The following FSTL5 variants were observed in gnomAD, a reference collection of about 807,000 sequenced individuals.
FSTL5 encodes the protein follistatin-related protein 5.
Under a neutral mutation model 89.1 loss-of-function variants are expected in FSTL5, and 62 were observed. That is an observed-to-expected ratio of 0.70 (90% confidence interval 0.57 to 0.86). The LOEUF (loss-of-function observed/expected upper bound fraction) is 0.86, where lower values mean the gene tolerates loss of function less well. FSTL5 is among the 40% of genes least tolerant of loss of function. FSTL5 has a pLI of 0.00. For synonymous variants in FSTL5, 383 were observed against 346.2 expected, an observed-to-expected ratio of 1.11 and a Z score of -1.18; for missense variants, 1,057 against 1,001.6, an observed-to-expected ratio of 1.06 and a Z score of -0.75.
intron 4 of FSTL5, among the ~76,000 whole-genome samples, chr4:161,782,212 G>A (rs369431249): frequency 6.6e-6 from 1 of 152,238 alleles, no homozygotes; most frequent in African/African-American, 2.4e-5. Context: ...CTGTGTGAAG[G>A]TTTCTGTGTA....
At chr4:162,053,208 A>G (rs1738438654) in intron 2 of FSTL5, among the ~76,000 whole-genome samples, 1 of 151,768 alleles carries the variant, frequency 6.6e-6, no homozygotes, top group Admixed American at 6.6e-5. Flanking sequence ...TATATTTTCA[A>G]CTTGTGCTCT....
intron 12 of FSTL5, among the ~76,000 whole-genome samples, chr4:161,493,848 C>T (rs72683730): frequency 0.075 from 11,427 of 152,026 alleles, 568 homozygotes; most frequent in Middle Eastern, 0.15. Flanking sequence ...TACTTGTTAT[C>T]GATAATCTCT....
At chr4:161,930,911 C>A (rs1158767865) in intron 3 of FSTL5, among the ~76,000 whole-genome samples, 1 of 151,756 alleles carries the variant, frequency 6.6e-6, no homozygotes. Context: ...CAATCTGCTG[C>A]CTGAATTAGA....
At chr4:161,768,310 A>T (rs1170485228) in intron 5 of FSTL5, among the ~76,000 whole-genome samples, 1 of 152,082 alleles carries the variant, frequency 6.6e-6, no homozygotes, top group Non-Finnish European at 1.5e-5. Context: ...CAGAATATAT[A>T]CCTTGCCATT....
In FSTL5 at chr4:161,392,980, A is replaced by G. The variant is rs907494753; in HGVS notation, c.1842-6531T>C. On this transcript the variant is annotated intron_variant, in intron 15 of 15. Coordinates refer to ENST00000306100, the MANE Select transcript of FSTL5 (RefSeq NM_020116.5). ...GGCATTCAAGACCAGCCTGGCCAAC[A>G]TGACAAAAACCTGTCTCTATTAAAT... Among the ~76,000 whole-genome samples the G allele has an allele frequency of 5.3e-5, 8 of 152,042 alleles. No individual in the cohort carries two copies. In the East Asian group the frequency reaches 1.2e-3, roughly 22 times the overall value.
intron 2 of FSTL5, among the ~76,000 whole-genome samples, chr4:162,053,014 A>G (rs950122242): frequency 9.2e-5 from 14 of 151,926 alleles, no homozygotes; most frequent in African/African-American, 3.4e-4. Context: ...AATTGTGACA[A>G]AAAGTAATAA....
At chr4:161,579,888 C>CCATAATA (rs552041712) in intron 8 of FSTL5, among the ~76,000 whole-genome samples, 23 of 152,058 alleles carry the variant, frequency 1.5e-4, no homozygotes, top group African/African-American at 5.3e-4. Context: ...CTGAAAGTGA[C>CCATAATA]CATAATAAAG....
intron 15 of FSTL5, among the ~76,000 whole-genome samples, chr4:161,403,299 A>AT (rs1364347005): frequency 2.6e-5 from 4 of 152,176 alleles, no homozygotes; most frequent in East Asian, 1.9e-4. Context: ...GACTAACACC[A>AT]TTTTTGTGTG....
chr4:161,571,497 T>C (rs1424239044), intron 8 of FSTL5, among the ~76,000 whole-genome samples: 6 of 152,008 alleles, frequency 3.9e-5, no homozygotes, highest in Non-Finnish European at 8.8e-5. Context: ...TAAACTGTTA[T>C]AAAGTGACTG....
At position 162,054,751 on chromosome 4, in the gene FSTL5, C is replaced by A. The variant is rs116641977; in HGVS notation, c.127-21093G>T. Reference sequence around the variant, plus strand: ...AATAAGCCATTTGCCAGCTTGAAGACAAAGGAGTATCTTTTTCAAGGACCT... The same window carrying A: ...AATAAGCCATTTGCCAGCTTGAAGAAAAAGGAGTATCTTTTTCAAGGACCT... On this transcript the variant is annotated intron_variant, in intron 2 of 15. Transcript: ENST00000306100. Among the ~76,000 whole-genome samples, 274 of 151,734 alleles carry A rather than the reference C, an allele frequency of 1.8e-3. 1 individual carries two copies. Among genetic ancestry groups the A allele is most frequent in the Non-Finnish European group, 2.6e-3 (179 of 67,800 alleles).
At chr4:161,571,460 G>GA (rs1560959049) in intron 8 of FSTL5, among the ~76,000 whole-genome samples, 1 of 151,822 alleles carries the variant, frequency 6.6e-6, no homozygotes, top group Admixed American at 6.6e-5. Context: ...GGAAAAAAAA[G>GA]AAAAAAGTCC....
At chr4:162,020,623 C>T (rs550761139) in intron 3 of FSTL5, among the ~76,000 whole-genome samples, 1 of 151,810 alleles carries the variant, frequency 6.6e-6, no homozygotes, top group Non-Finnish European at 1.5e-5. Flanking sequence ...ACCTGGCTAG[C>T]GAATGTCAAA....
intron 1 of FSTL5, among the ~76,000 whole-genome samples, chr4:162,148,028 A>T (rs1561045669): frequency 6.6e-6 from 1 of 152,146 alleles, no homozygotes; most frequent in Non-Finnish European, 1.5e-5. Flanking sequence ...TAATGTTTGA[A>T]ATACGAAGAT....
At chr4:162,041,225 A>G (rs1487701997) in intron 2 of FSTL5, among the ~76,000 whole-genome samples, 6 of 132,860 alleles carry the variant, frequency 4.5e-5, no homozygotes, top group Non-Finnish European at 6.5e-5. Context: ...AAAAAAAAAA[A>G]GGAGTTTATC....
intron 13 of FSTL5, among the ~76,000 whole-genome samples, chr4:161,464,297 A>G (rs1405276633): frequency 6.6e-6 from 1 of 152,150 alleles, no homozygotes; most frequent in African/African-American, 2.4e-5. Flanking sequence ...TATGTCAGCC[A>G]TGCTTCTGCC....
chr4:161,641,763 T>A (rs1735973633), intron 7 of FSTL5, among the ~76,000 whole-genome samples: 2 of 152,172 alleles, frequency 1.3e-5, no homozygotes, highest in Admixed American at 1.3e-4. Flanking sequence ...ATGCTGGGAT[T>A]ACAGGCATGA....
At chr4:161,670,386 C>A (rs926552334) in intron 6 of FSTL5, among the ~76,000 whole-genome samples, 1 of 152,074 alleles carries the variant, frequency 6.6e-6, no homozygotes, top group Non-Finnish European at 1.5e-5. Flanking sequence ...CTCAAGGAAA[C>A]CCCAGGACAT....
intron 4 of FSTL5, among the ~76,000 whole-genome samples, chr4:161,798,541 A>G (rs1281671257): frequency 6.6e-6 from 1 of 151,500 alleles, no homozygotes; most frequent in Non-Finnish European, 1.5e-5. Flanking sequence ...AAAATCTACA[A>G]TATTGGTCTA....
At chr4:161,943,538 C>CTTTT (rs77101651) in intron 3 of FSTL5, among the ~76,000 whole-genome samples, 2 of 34,366 alleles carry the variant, frequency 5.8e-5, no homozygotes, top group African/African-American at 2.5e-4. Flanking sequence ...ACCACTGTAT[C>CTTTT]TTTTTTTTTT....
Sources: gnomAD v4.1 joint callset for allele counts (sites outside exome capture counted in the v4.1 genomes callset) on GRCh38, gnomAD v4.1.1 for gene constraint, MANE v1.5 for transcripts, NCBI Gene and HGNC (gene_info 2026-07-23, HGNC 2026-07-21) for gene names.